PKIB: variants seen among roughly 807,000 people sequenced by gnomAD.
The protein encoded by PKIB is cAMP-dependent protein kinase inhibitor beta, also known as PKI-beta.
In PKIB, 2 loss-of-function variants were observed where a neutral mutation model predicts 4.5. That is an observed-to-expected ratio of 0.44 (90% CI 0.18 to 1.39). PKIB has a LOEUF of 1.39. Ranked by LOEUF, PKIB falls within the 40% of genes most tolerant of loss-of-function variation. PKIB has a pLI of 0.27. For synonymous variants in PKIB, 38 were observed against 36.0 expected (o/e 1.06, Z -0.20); for missense variants, 94 against 92.6 (o/e 1.02, Z -0.06).
chr6:122,639,674 T>C (rs1409867463), intron 2 of PKIB, among the ~76,000 whole-genome samples: 1 of 152,176 alleles, frequency 6.6e-6, no homozygotes, highest in Non-Finnish European at 1.5e-5. Context: ...TTTCTTCAAT[T>C]ACGTGAGAAA....
chr6:122,601,015 TAATG>T (rs1217104903), intron 3 of PKIB, among the ~76,000 whole-genome samples: 3 of 151,486 alleles, frequency 2.0e-5, no homozygotes, highest in Admixed American at 6.6e-5. Context: ...TTTCTTTAGA[TAATG>T]AATGCATTGT....
intron 3 of PKIB, among the ~76,000 whole-genome samples, chr6:122,596,799 C>T (rs192583081): frequency 6.6e-6 from 1 of 152,310 alleles, no homozygotes; most frequent in East Asian, 1.9e-4. Context: ...TCTGTCGGGT[C>T]ATATGGCCCA....
intron 2 of PKIB, among the ~76,000 whole-genome samples, chr6:122,547,708 G>A (rs961946599): frequency 1.3e-5 from 2 of 149,686 alleles, no homozygotes; most frequent in Non-Finnish European, 3.0e-5. Flanking sequence ...CCACTCCCAC[G>A]CACAGCTGCA....
rs183018814 is a variant in PKIB at position 122,487,072 on chromosome 6, A to C, written c.-248+9133A>C. Among the ~76,000 whole-genome samples, 815 of 152,310 alleles carry C rather than the reference A, an allele frequency of 5.4e-3. 8 individuals are homozygous for C. Among genetic ancestry groups the C allele is most frequent in the African/African-American group, 0.018 (765 of 41,572 alleles). On this transcript the variant is annotated intron_variant, in intron 2 of 6. Transcript: ENST00000392491. Reference sequence around the variant, plus strand: ...TTTTACTGCATAACCACAATGTACCAAAATCAGAAAATTAATAGGTAAAAT... The same window carrying C: ...TTTTACTGCATAACCACAATGTACCCAAATCAGAAAATTAATAGGTAAAAT...
intron 2 of PKIB, among the ~76,000 whole-genome samples, chr6:122,512,286 G>C (rs155466): frequency 0.87 from 133,066 of 152,190 alleles, 58,541 homozygotes; most frequent in East Asian, 1. Context: ...ATCTGTGGCT[G>C]CCATTCTCCT....
chr6:122,720,706 AT>A (rs34676757), intron 4 of PKIB, among the ~76,000 whole-genome samples: 62,369 of 147,990 alleles, frequency 0.42, 14,377 homozygotes, highest in South Asian at 0.64. Context: ...ATTTGAGTGT[AT>A]TTTTTTTTTT....
At chr6:122,472,070 A>C in intron 1 of PKIB, 5 of 374,928 alleles carry the variant, frequency 1.3e-5, no homozygotes, top group East Asian at 6.0e-5. Context: ...TTTACCTACC[A>C]TGCACTTGCA....
intron 1 of PKIB, among the ~76,000 whole-genome samples, chr6:122,630,090 A>T (rs1306661210): frequency 5.9e-5 from 9 of 152,124 alleles, no homozygotes; most frequent in Admixed American, 5.9e-4. Flanking sequence ...ACTATCTTCA[A>T]ATTTTTTTTT....
intron 2 of PKIB, among the ~76,000 whole-genome samples, chr6:122,519,578 C>A (rs1258234475): frequency 1.3e-5 from 2 of 152,070 alleles, no homozygotes; most frequent in Non-Finnish European, 1.5e-5. Context: ...TAATAAAAAT[C>A]TTTTTCTATT....
chr6:122,657,942 G>A (rs547808997), intron 2 of PKIB, among the ~76,000 whole-genome samples: 1 of 152,284 alleles, frequency 6.6e-6, no homozygotes, highest in Non-Finnish European at 1.5e-5. Context: ...TAGCCTTAAA[G>A]ATAAACTCAC....
At chr6:122,673,572 C>T (rs1777548674) in intron 2 of PKIB, among the ~76,000 whole-genome samples, 1 of 152,128 alleles carries the variant, frequency 6.6e-6, no homozygotes, top group Non-Finnish European at 1.5e-5. Flanking sequence ...GAGCAAAGAT[C>T]ATTTGAGAAA....
intron 2 of PKIB, among the ~76,000 whole-genome samples, chr6:122,666,031 A>G (rs1335721008): frequency 1.3e-5 from 2 of 152,214 alleles, no homozygotes; most frequent in African/African-American, 4.8e-5. Flanking sequence ...TTATTTCCAC[A>G]GTACAAATAA....
At chr6:122,521,565 A>G (rs899600253) in intron 2 of PKIB, among the ~76,000 whole-genome samples, 2 of 152,064 alleles carry the variant, frequency 1.3e-5, no homozygotes, top group African/African-American at 4.8e-5. Flanking sequence ...CTGTAGTCCC[A>G]GCTACTCAGG....
At chr6:122,554,666 A>G (rs1407949406) in intron 2 of PKIB, among the ~76,000 whole-genome samples, 3 of 152,214 alleles carry the variant, frequency 2.0e-5, no homozygotes, top group Non-Finnish European at 4.4e-5. Context: ...CAAGGGCTCT[A>G]TTATTCAGGG....
At chr6:122,662,373 T>C (rs771045415) in intron 2 of PKIB, among the ~76,000 whole-genome samples, 6 of 134,132 alleles carry the variant, frequency 4.5e-5, no homozygotes, top group Non-Finnish European at 7.8e-5. Flanking sequence ...TGGAGTGCAA[T>C]GGCACAATCT....
chr6:122,606,571 C>CTAAAAAAAAAAA (rs1774543548), upstream of PKIB, among the ~76,000 whole-genome samples: 1 of 119,572 alleles, frequency 8.4e-6, no homozygotes. Context: ...GACTCTGTCT[C>CTAAAAAAAAAAA]AAAAAAGAAA....
chr6:122,509,956 G>GT (rs912737751), intron 2 of PKIB, among the ~76,000 whole-genome samples: 20 of 149,994 alleles, frequency 1.3e-4, no homozygotes, highest in South Asian at 4.2e-4. Context: ...TTGGGTGTTA[G>GT]TTTTTTTTTA....
chr6:122,721,061 A>C (rs946518006), intron 4 of PKIB, among the ~76,000 whole-genome samples: 1 of 152,182 alleles, frequency 6.6e-6, no homozygotes, highest in Admixed American at 6.6e-5. Context: ...TGCAAATGAA[A>C]TTATCCCATA....
intron 2 of PKIB, among the ~76,000 whole-genome samples, chr6:122,562,521 G>GT (rs1773066262): frequency 6.6e-6 from 1 of 152,192 alleles, no homozygotes; most frequent in Non-Finnish European, 1.5e-5. Flanking sequence ...GGCTGGAGAA[G>GT]TCTTCCTCAA....
Sources: gnomAD v4.1 joint callset for allele counts (sites outside exome capture counted in the v4.1 genomes callset) on GRCh38, gnomAD v4.1.1 for gene constraint, MANE v1.5 for transcripts, NCBI Gene and HGNC (gene_info 2026-07-23, HGNC 2026-07-21) for gene names.